The following GALNT13 variants were observed in gnomAD, a reference collection of about 807,000 sequenced individuals.
GALNT13 encodes the protein UDP-GalNAc:polypeptide N-acetylgalactosaminyltransferase 13.
Under a neutral mutation model 64.2 loss-of-function variants are expected in GALNT13, and 28 were observed. The ratio of observed to expected loss-of-function variants is 0.44; its 90% CI spans 0.32 to 0.60. The LOEUF (loss-of-function observed/expected upper bound fraction) is 0.60, where lower values mean the gene tolerates loss of function less well. Among genes scored for constraint, GALNT13 ranks in the 20% least tolerant of loss-of-function variants. The pLI, the probability that GALNT13 is intolerant of heterozygous loss-of-function variation, is 0.05. For missense variants in GALNT13, 577 were observed against 669.8 expected, an observed-to-expected ratio of 0.86 and a Z score of 1.53; for synonymous variants, 214 against 224.6, an observed-to-expected ratio of 0.95 and a Z score of 0.42.
the GALNT13 span, among the ~76,000 whole-genome samples, chr2:153,426,158 T>A: frequency 1.1e-3 from 166 of 151,994 alleles, no homozygotes; most frequent in South Asian, 5.0e-3. Flanking sequence ...CCAGCTCTTT[T>A]TAGCTCCATC....
the GALNT13 span, among the ~76,000 whole-genome samples, chr2:153,371,667 T>C: frequency 6.6e-6 from 1 of 152,168 alleles, no homozygotes; most frequent in East Asian, 1.9e-4. Context: ...AATTGAGAGA[T>C]ACACCATGTT....
chr2:153,628,603 T>G, the GALNT13 span, among the ~76,000 whole-genome samples: 24 of 152,308 alleles, frequency 1.6e-4, no homozygotes, highest in East Asian at 7.7e-4. Flanking sequence ...ATTGAGATAA[T>G]CACGTGGTTT....
chr2:153,123,754 A>G, the GALNT13 span, among the ~76,000 whole-genome samples: 2 of 152,206 alleles, frequency 1.3e-5, no homozygotes, highest in Non-Finnish European at 2.9e-5. Context: ...CAGAGCCTTC[A>G]TATTAATTGA....
chr2:153,566,790 C>G, the GALNT13 span, among the ~76,000 whole-genome samples: 1 of 152,026 alleles, frequency 6.6e-6, no homozygotes, highest in Non-Finnish European at 1.5e-5. Flanking sequence ...CATTATTCTA[C>G]AGTGCCTCTA....
the GALNT13 span, among the ~76,000 whole-genome samples, chr2:153,511,748 T>G: frequency 6.6e-6 from 1 of 152,218 alleles, no homozygotes; most frequent in Non-Finnish European, 1.5e-5. Context: ...TAAACAAGAC[T>G]GAAGCGGGAG....
the GALNT13 span, among the ~76,000 whole-genome samples, chr2:153,293,615 A>G: frequency 6.6e-6 from 1 of 152,158 alleles, no homozygotes; most frequent in Admixed American, 6.5e-5. Flanking sequence ...AAGACAAGAA[A>G]TTTGTGTTTT....
At chr2:153,568,517 T>C in the GALNT13 span, among the ~76,000 whole-genome samples, 9 of 152,254 alleles carry the variant, frequency 5.9e-5, no homozygotes, top group Non-Finnish European at 1.3e-4. Context: ...ATAGAAAGTA[T>C]GTTTTTTAAG....
At chr2:154,194,989 T>TTTAA in intron 4 of GALNT13, among the ~76,000 whole-genome samples, 1 of 151,900 alleles carries the variant, frequency 6.6e-6, no homozygotes, top group Non-Finnish European at 1.5e-5. Context: ...AAGCCCCACG[T>TTTAA]GCATTAGGTA....
the GALNT13 span, among the ~76,000 whole-genome samples, chr2:153,606,848 C>T: frequency 7.3e-5 from 11 of 149,874 alleles, no homozygotes; most frequent in African/African-American, 2.7e-4. Flanking sequence ...CCTAAAAGCT[C>T]TGTGTCATGT....
chr2:153,357,766 A>G, the GALNT13 span, among the ~76,000 whole-genome samples: 1 of 152,202 alleles, frequency 6.6e-6, no homozygotes, highest in African/African-American at 2.4e-5. Flanking sequence ...AAGACATTGT[A>G]TATTTGTAAG....
At chr2:153,558,737 T>G in the GALNT13 span, among the ~76,000 whole-genome samples, 2 of 152,198 alleles carry the variant, frequency 1.3e-5, no homozygotes, top group Admixed American at 6.5e-5. Context: ...CCGTTAAAAT[T>G]TATTGGTTGC....
the GALNT13 span, among the ~76,000 whole-genome samples, chr2:153,222,459 A>C: frequency 7.0e-6 from 1 of 143,270 alleles, no homozygotes; most frequent in East Asian, 2.1e-4. Flanking sequence ...AGATTCCACC[A>C]GGAGCTGACA....
At chr2:153,911,821 G>A (rs1688960707) in intron 2 of GALNT13, among the ~76,000 whole-genome samples, 1 of 152,050 alleles carries the variant, frequency 6.6e-6, no homozygotes, top group African/African-American at 2.4e-5. Context: ...CCTGTCCTTT[G>A]TCTCTTGGTG....
intron 3 of GALNT13, among the ~76,000 whole-genome samples, chr2:154,011,946 C>T (rs1445925645): frequency 1.3e-5 from 2 of 152,098 alleles, no homozygotes; most frequent in African/African-American, 4.8e-5. Flanking sequence ...CTTTGAGCCT[C>T]TAGGTCTCCT....
intron 3 of GALNT13, among the ~76,000 whole-genome samples, chr2:154,050,181 C>A (rs536747211): frequency 1.3e-5 from 2 of 151,934 alleles, no homozygotes; most frequent in Non-Finnish European, 2.9e-5. Flanking sequence ...TAGTAATAAG[C>A]CTTTGTATAA....
At chr2:154,095,754 C>G (rs2105450086) in intron 3 of GALNT13, among the ~76,000 whole-genome samples, 1 of 151,986 alleles carries the variant, frequency 6.6e-6, no homozygotes, top group South Asian at 2.1e-4. Flanking sequence ...TTAAATAATT[C>G]ACACATTTTA....
the GALNT13 span, among the ~76,000 whole-genome samples, chr2:153,224,045 G>A: frequency 6.6e-6 from 1 of 152,054 alleles, no homozygotes; most frequent in Non-Finnish European, 1.5e-5. Context: ...GAAATGTATA[G>A]CATAAGTAAA....
chr2:154,175,313 C>A (rs1049849693), intron 4 of GALNT13, among the ~76,000 whole-genome samples: 1 of 152,120 alleles, frequency 6.6e-6, no homozygotes, highest in Non-Finnish European at 1.5e-5. Context: ...CTGATCAATA[C>A]TGTGATCAAA....
the GALNT13 span, among the ~76,000 whole-genome samples, chr2:153,463,710 A>G: frequency 1.4e-4 from 21 of 152,194 alleles, no homozygotes; most frequent in Non-Finnish European, 2.8e-4. Context: ...ATGGCTACAG[A>G]TGAGGGGAGT....
Sources: gnomAD v4.1 joint callset for allele counts (sites outside exome capture counted in the v4.1 genomes callset) on GRCh38, gnomAD v4.1.1 for gene constraint, MANE v1.5 for transcripts, NCBI Gene and HGNC (gene_info 2026-07-23, HGNC 2026-07-21) for gene names.